The following DR1 variants were observed in gnomAD, a reference collection of about 807,000 sequenced individuals.
DR1 encodes protein Dr1.
In DR1, 7 loss-of-function variants were observed where a neutral mutation model predicts 19.9. That is an observed-to-expected ratio of 0.35 (90% CI 0.20 to 0.66). The LOEUF is 0.66. Among genes scored for constraint, DR1 ranks in the 30% least tolerant of loss-of-function variants. DR1 has a pLI of 0.66. For synonymous variants in DR1, 76 were observed against 72.5 expected (o/e 1.05, Z -0.24); for missense variants, 98 against 203.7 (o/e 0.48, Z 3.16).
In DR1 at chr1:93,353,890, A is replaced by T. The variant is rs767115076; in HGVS notation, c.221-18A>T. The T allele has an allele frequency of 6.3e-7, 1 of 1,577,812 alleles. No individual in the cohort carries two copies. Among genetic ancestry groups the T allele is most frequent in the Non-Finnish European group, 8.6e-7 (1 of 1,162,362 alleles). On this transcript the variant is annotated intron_variant, in intron 1 of 2. Transcript: ENST00000370272. ...TGTTTTATCACCCTTTCATATTTTA[A>T]TATTTTCATTTCTCTAGCACTAGAA... is the stretch of plus-strand genomic sequence containing the variant.
chr1:93,356,971 C>T (rs2101638516), intron 2 of DR1, among the ~76,000 whole-genome samples: 1 of 152,334 alleles, frequency 6.6e-6, no homozygotes, highest in South Asian at 2.1e-4. Flanking sequence ...ATCCGCCCAC[C>T]TTGGCCTCCC....
intron 1 of DR1, among the ~76,000 whole-genome samples, chr1:93,350,704 G>A (rs1445996879): frequency 6.6e-6 from 1 of 151,958 alleles, no homozygotes. Context: ...TGAAAAATGT[G>A]CAAAGTATTT....
In DR1 at chr1:93,369,405, G is replaced by C. The variant is rs1034701839; in HGVS notation, c.*8766G>C. 2 of 152,154 alleles carry C rather than the reference G, an allele frequency of 1.3e-5. No homozygotes were observed. Among genetic ancestry groups the C allele is most frequent in the Non-Finnish European group, 2.9e-5 (2 of 68,026 alleles). The allele number at this position is 152,154 out of a possible 1,614,324, so 9.4% of individuals were successfully genotyped here. A position where few individuals can be genotyped will look rare whatever the true frequency, so the allele number is the denominator to read the frequency against. ...GAGGTAATGTCTGTTACTATTTTCA[G>C]CTCCCTTTTTCTGTCCACTGTTGTC... On this transcript the variant is annotated 3_prime_UTR_variant, in exon 3 of 3. Transcript: ENST00000370272.
chr1:93,361,654 G>C lies in DR1; in HGVS notation c.*1015G>C, dbSNP rs561556694. 2.6e-5 allele frequency: 4 copies of C among 152,498 alleles called. No individual in the cohort carries two copies. In the East Asian group the frequency reaches 7.7e-4, roughly 29 times the overall value. 9.4% of individuals were successfully genotyped at this position (152,498 alleles called of 1,614,324 possible). A position where few individuals can be genotyped will look rare whatever the true frequency, so the allele number is the denominator to read the frequency against. Reference sequence around the variant, plus strand: ...TACATTTTCCCAACTAGATGGCCTAGAGTCCAACATTACCTTTTGAGATGA... The same window carrying C: ...TACATTTTCCCAACTAGATGGCCTACAGTCCAACATTACCTTTTGAGATGA... On this transcript the variant is annotated 3_prime_UTR_variant, in exon 3 of 3. Transcript: ENST00000370272.
chr1:93,352,891 ATTTT>A (rs66850500), intron 1 of DR1, among the ~76,000 whole-genome samples: 3,587 of 139,464 alleles, frequency 0.026, 110 homozygotes, highest in African/African-American at 0.085. Flanking sequence ...GGGTGTGTGA[ATTTT>A]TTTTTTTTTT....
At chr1:93,348,412 C>T (rs1666878394) in intron 1 of DR1, among the ~76,000 whole-genome samples, 3 of 152,188 alleles carry the variant, frequency 2.0e-5, no homozygotes, top group Middle Eastern at 6.8e-3. Flanking sequence ...ATCAACATTG[C>T]CTTTCTAATG....
At position 93,366,169 on chromosome 1, in the gene DR1, T is replaced by G. The variant is rs1667126823; in HGVS notation, c.*5530T>G. On this transcript the variant is annotated 3_prime_UTR_variant, in exon 3 of 3. Transcript: ENST00000370272. Reference sequence around the variant, plus strand: ...TACTCTGGATATCTAAATGGATTCATTCTTATTTCATTTACCATAATGTCT... The same window carrying G: ...TACTCTGGATATCTAAATGGATTCAGTCTTATTTCATTTACCATAATGTCT... 2 of 152,244 alleles carry G rather than the reference T, an allele frequency of 1.3e-5. No individual in the cohort carries two copies. The highest frequency in any genetic ancestry group is 1.3e-4 in the Admixed American group (2 of 15,284). 9.4% of individuals were successfully genotyped at this position (152,244 alleles called of 1,614,324 possible).
intron 2 of DR1, among the ~76,000 whole-genome samples, chr1:93,356,166 A>G (rs1190667116): frequency 6.6e-6 from 1 of 152,200 alleles, no homozygotes; most frequent in Non-Finnish European, 1.5e-5. Context: ...AAAATATATT[A>G]CAGTAAATAT....
chr1:93,347,219 A>G (rs979979610), intron 1 of DR1, among the ~76,000 whole-genome samples: 5 of 152,210 alleles, frequency 3.3e-5, no homozygotes, highest in Non-Finnish European at 7.3e-5. Flanking sequence ...CTCCTTTGGA[A>G]AGTTAAAATT....
intron 2 of DR1, among the ~76,000 whole-genome samples, chr1:93,358,694 G>C (rs1667021564): frequency 6.6e-6 from 1 of 152,018 alleles, no homozygotes; most frequent in African/African-American, 2.4e-5. Context: ...TCAGTTTTAG[G>C]GTTGGTGGCT....
At position 93,360,739 on chromosome 1, in the gene DR1, T is replaced by C. The variant is rs904385013; in HGVS notation, c.*100T>C. On this transcript the variant is annotated 3_prime_UTR_variant, in exon 3 of 3. Transcript: ENST00000370272. ...ATCTGTAATTTTGTATGCATCTTGG[T>C]GGACTTGTCATTGGTATTCTAGGGA... 7.4e-7 allele frequency: 1 copy of C among 1,342,840 alleles called. No individual in the cohort carries two copies. 83.2% of individuals were successfully genotyped at this position (1,342,840 alleles called of 1,614,324 possible).
chr1:93,347,317 C>T (rs1666861856), intron 1 of DR1, among the ~76,000 whole-genome samples: 2 of 152,304 alleles, frequency 1.3e-5, no homozygotes, highest in African/African-American at 4.8e-5. Context: ...GATTTATTTT[C>T]TGAACACATG....
In DR1 at chr1:93,364,161, G is replaced by A. The variant is rs919880699; in HGVS notation, c.*3522G>A. On this transcript the variant is annotated 3_prime_UTR_variant, in exon 3 of 3. Coordinates refer to ENST00000370272, the MANE Select transcript of DR1 (RefSeq NM_001938.3). ...ATGATCTTAGTGGGTTGAATTTCTC[G>A]AAACACCTAAATTGTACCAAATGAG... 5.9e-5 allele frequency: 9 copies of A among 152,114 alleles called. No individual in the cohort carries two copies. Among genetic ancestry groups the A allele is most frequent in the African/African-American group, 1.9e-4 (8 of 41,420 alleles). 9.4% of individuals were successfully genotyped at this position (152,114 alleles called of 1,614,324 possible).
intron 1 of DR1, 103 bp downstream of exon 1, chr1:93,346,968 GTAACT>G: frequency 3.8e-6 from 4 of 1,061,210 alleles, no homozygotes; most frequent in Non-Finnish European, 5.5e-6. Flanking sequence ...TCCCTGGTAA[GTAACT>G]TAATGAAAAA....
In DR1 at chr1:93,369,416, C is replaced by T. The variant is rs1470115697; in HGVS notation, c.*8777C>T. 6.6e-6 allele frequency: 1 copy of T among 152,164 alleles called. No homozygotes were observed. Among genetic ancestry groups the T allele is most frequent in the Non-Finnish European group, 1.5e-5 (1 of 68,010 alleles). The allele number at this position is 152,164 out of a possible 1,614,324, so 9.4% of individuals were successfully genotyped here. ...TGTTACTATTTTCAGCTCCCTTTTTCTGTCCACTGTTGTCTAAATGATTCA... is the reference window on the plus strand; with the variant it reads ...TGTTACTATTTTCAGCTCCCTTTTTTTGTCCACTGTTGTCTAAATGATTCA... On this transcript the variant is annotated 3_prime_UTR_variant, in exon 3 of 3. Transcript: ENST00000370272.
In DR1 at chr1:93,366,295, C is replaced by T. The variant is rs1422944937; in HGVS notation, c.*5656C>T. 1 of 152,166 alleles carries T rather than the reference C, an allele frequency of 6.6e-6. No individual in the cohort carries two copies. Among genetic ancestry groups the T allele is most frequent in the Non-Finnish European group, 1.5e-5 (1 of 68,032 alleles). The allele number at this position is 152,166 out of a possible 1,614,324, so 9.4% of individuals were successfully genotyped here. On this transcript the variant is annotated 3_prime_UTR_variant, in exon 3 of 3. Transcript: ENST00000370272. Reference sequence around the variant, plus strand: ...TACCGTATTTTGTTTATCAGTTCATCCATTAATGGACACTGGGTTGCTTCT... The same window carrying T: ...TACCGTATTTTGTTTATCAGTTCATTCATTAATGGACACTGGGTTGCTTCT...
chr1:93,348,475 G>C (rs1248294909), intron 1 of DR1, among the ~76,000 whole-genome samples: 1 of 152,076 alleles, frequency 6.6e-6, no homozygotes, highest in Non-Finnish European at 1.5e-5. Context: ...TTACACTACA[G>C]AAGTGGGGAT....
intron 1 of DR1, 125 bp from the exon 2 acceptor site, chr1:93,353,783 A>G: frequency 1.4e-6 from 1 of 698,962 alleles, no homozygotes; most frequent in Non-Finnish European, 2.2e-6. Flanking sequence ...AATAGGTAAA[A>G]TTATTAGAAA....
chr1:93,354,038 G>C lies in DR1; in HGVS notation c.351G>C (p.Glu117Asp). The C allele has an allele frequency of 3.1e-6, 5 of 1,612,718 alleles. No individual in the cohort carries two copies. Among genetic ancestry groups the C allele is most frequent in the Non-Finnish European group, 3.4e-6 (4 of 1,179,544 alleles). Residue 117 changes from glutamate to aspartate, a missense_variant, in exon 2 of 3, where the codon GAG becomes GAC. Physicochemically the swap from Glu to Asp is conservative, Grantham distance 45. Transcript: ENST00000370272. ...AAAACCTTGGCATTCCTGAAGAAGA[G>C]TTATTGAGACAGCAACAAGAATTAT... Reference protein sequence around the residue: ...RLENLGIPEEELLRQQQELFA... With the variant: ...RLENLGIPEEDLLRQQQELFA...
Sources: allele counts gnomAD v4.1 joint callset (sites outside exome capture counted in the v4.1 genomes callset), GRCh38; gene constraint gnomAD v4.1.1; transcripts MANE v1.5; gene names NCBI Gene and HGNC (gene_info 2026-07-23, HGNC 2026-07-21).